Variants in CPNE8 observed in about 807,000 individuals in gnomAD.
The protein encoded by CPNE8 is copine 8, also known as copine-8.
A neutral mutation model predicts 81.5 loss-of-function variants in CPNE8; 45 were observed. That is an observed-to-expected ratio of 0.55 (90% confidence interval 0.44 to 0.71). The LOEUF is 0.71. Ranked by LOEUF, CPNE8 falls within the 30% of genes least tolerant of loss-of-function variation. CPNE8 has a pLI of 0.00. For synonymous variants in CPNE8, 252 were observed against 226.3 expected (o/e 1.11, Z -1.02); for missense variants, 594 against 672.1 (o/e 0.88, Z 1.28).
chr12:38,769,094 T>A (rs1941748590), intron 7 of CPNE8, among the ~76,000 whole-genome samples: 1 of 152,166 alleles, frequency 6.6e-6, no homozygotes, highest in Non-Finnish European at 1.5e-5. Flanking sequence ...TTTTCTTACT[T>A]AGCAAACATT....
intron 4 of CPNE8, among the ~76,000 whole-genome samples, chr12:38,845,085 C>G (rs1352800476): frequency 1.3e-5 from 2 of 151,988 alleles, no homozygotes; most frequent in African/African-American, 4.8e-5. Context: ...GTCACAAACA[C>G]CTACTCCAAG....
intron 16 of CPNE8, among the ~76,000 whole-genome samples, chr12:38,683,189 T>C (rs1442998558): frequency 1.3e-5 from 2 of 152,226 alleles, no homozygotes; most frequent in East Asian, 1.9e-4. Flanking sequence ...TTGTTATTCT[T>C]AAAAAGAGTA....
chr12:38,689,747 A>G (rs922438022), intron 15 of CPNE8, among the ~76,000 whole-genome samples: 7 of 152,196 alleles, frequency 4.6e-5, no homozygotes, highest in African/African-American at 1.4e-4. Context: ...GCGTTTCTCT[A>G]TTGGTCCGCA....
chr12:38,691,262 T>G (rs1296461612), intron 15 of CPNE8, among the ~76,000 whole-genome samples: 3 of 152,148 alleles, frequency 2.0e-5, no homozygotes, highest in Non-Finnish European at 4.4e-5. Context: ...ATGGTTAACT[T>G]CTGAGCCTCT....
chr12:38,673,632 G>T (rs1939227340), intron 18 of CPNE8, among the ~76,000 whole-genome samples: 1 of 152,072 alleles, frequency 6.6e-6, no homozygotes, highest in African/African-American at 2.4e-5. Flanking sequence ...TTCCATCATG[G>T]TGAAAACAGA....
intron 2 of CPNE8, among the ~76,000 whole-genome samples, chr12:38,873,527 A>G (rs527680810): frequency 9.2e-4 from 140 of 152,326 alleles, no homozygotes; most frequent in African/African-American, 3.3e-3. Context: ...CAACCAAGAA[A>G]GGAATTCCCA....
intron 13 of CPNE8, among the ~76,000 whole-genome samples, chr12:38,707,905 C>T: frequency 6.6e-6 from 1 of 152,166 alleles, no homozygotes; most frequent in East Asian, 1.9e-4. Flanking sequence ...AATTGCCAAG[C>T]ACTGTGCTAT....
chr12:38,715,299 C>G (rs1205434345), intron 13 of CPNE8, among the ~76,000 whole-genome samples: 1 of 151,994 alleles, frequency 6.6e-6, no homozygotes, highest in East Asian at 1.9e-4. Flanking sequence ...TTCAAGAAAA[C>G]TAAGTATTTG....
chr12:38,702,803 CTT>C (rs1939979793), intron 14 of CPNE8, 70 bp downstream of exon 14: 5 of 910,946 alleles, frequency 5.5e-6, no homozygotes, highest in South Asian at 3.8e-5. Context: ...TAAATTAACA[CTT>C]ATGAAAATAT....
chr12:38,796,229 G>A (rs143044087), intron 6 of CPNE8, among the ~76,000 whole-genome samples: 1 of 152,168 alleles, frequency 6.6e-6, no homozygotes, highest in East Asian at 1.9e-4. Context: ...AGGAGTTGCA[G>A]TGAGCCAAGA....
chr12:38,656,631 C>G (rs1938824339), intron 19 of CPNE8, among the ~76,000 whole-genome samples: 1 of 152,162 alleles, frequency 6.6e-6, no homozygotes, highest in Non-Finnish European at 1.5e-5. Flanking sequence ...AGGTTATTTT[C>G]TACTCTTTGC....
Position 38,887,896 on chromosome 12 carries a change from T to A in CPNE8, c.99-13385A>T, listed in dbSNP as rs182847718. 2.9e-3 allele frequency among the ~76,000 whole-genome samples: 449 copies of A among 152,318 alleles called. 2 individuals carry two copies. The highest frequency in any genetic ancestry group is 5.4e-3 in the Admixed American group (83 of 15,296). On this transcript the variant is annotated intron_variant, in intron 1 of 19. Transcript: ENST00000331366. ...TTTCTCAGTCTCTCCTCCTGCCCAC[T>A]CTAAAAGCAGTAACCACATTTCAGC...
At chr12:38,723,513 T>C (rs563268018) in intron 13 of CPNE8, among the ~76,000 whole-genome samples, 1 of 152,330 alleles carries the variant, frequency 6.6e-6, no homozygotes, top group Admixed American at 6.5e-5. Flanking sequence ...AAAAACATCC[T>C]ATGAAAGTGA....
intron 1 of CPNE8, among the ~76,000 whole-genome samples, chr12:38,902,354 A>G (rs1287429326): frequency 1.0e-5 from 1 of 99,360 alleles, no homozygotes; most frequent in Non-Finnish European, 1.8e-5. Context: ...GAAAGAAAGA[A>G]AGAAAGAAAG....
chr12:38,806,419 T>A (rs1193040522), intron 6 of CPNE8, among the ~76,000 whole-genome samples: 3 of 149,574 alleles, frequency 2.0e-5, no homozygotes, highest in Admixed American at 6.7e-5. Flanking sequence ...CAAGTGGGCT[T>A]CATCCCTGGG....
chr12:38,700,671 C>A (rs542372545), intron 14 of CPNE8, among the ~76,000 whole-genome samples: 1 of 152,202 alleles, frequency 6.6e-6, no homozygotes, highest in African/African-American at 2.4e-5. Flanking sequence ...AATGGTTTGG[C>A]TGTGTCCCCA....
intron 1 of CPNE8, among the ~76,000 whole-genome samples, chr12:38,881,102 C>T (rs1374126332): frequency 2.0e-5 from 3 of 151,502 alleles, no homozygotes; most frequent in Middle Eastern, 3.4e-3. Context: ...CCCGGCTACT[C>T]GGGAGGCTAA....
intron 1 of CPNE8, among the ~76,000 whole-genome samples, chr12:38,885,562 C>A (rs977427977): frequency 1.3e-5 from 2 of 152,048 alleles, no homozygotes; most frequent in African/African-American, 4.8e-5. Context: ...TGTAGCTGAC[C>A]CTGTGAGAAG....
chr12:38,880,230 G>C (rs1565660129), intron 1 of CPNE8, among the ~76,000 whole-genome samples: 1 of 152,138 alleles, frequency 6.6e-6, no homozygotes, highest in Admixed American at 6.5e-5. Flanking sequence ...TTAAAATTTT[G>C]TAAATTATTA....
Sources: allele counts gnomAD v4.1 joint callset (sites outside exome capture counted in the v4.1 genomes callset), GRCh38; gene constraint gnomAD v4.1.1; transcripts MANE v1.5; gene names NCBI Gene and HGNC (gene_info 2026-07-23, HGNC 2026-07-21).